CPM: variants seen among roughly 807,000 people sequenced by gnomAD.
The protein encoded by CPM is carboxypeptidase M, also known as renal carboxypeptidase.
CPM carries 35 observed loss-of-function variants against 46.4 expected under a neutral mutation model. That is an observed-to-expected ratio of 0.75 (90% CI 0.58 to 1.00). The LOEUF (loss-of-function observed/expected upper bound fraction) is 1.00. Among genes scored for constraint, CPM ranks in the 50% least tolerant of loss-of-function variants. The probability of loss-of-function intolerance (pLI) is 0.00; values close to 1 mark genes in which losing one functional copy is unlikely to be tolerated. For synonymous variants in CPM, 195 were observed against 195.3 expected (o/e 1.00, Z 0.01); for missense variants, 422 against 530.4 (o/e 0.80, Z 2.01).
At chr12:68,864,665 T>G (rs1460984374) in intron 7 of CPM, among the ~76,000 whole-genome samples, 1 of 152,192 alleles carries the variant, frequency 6.6e-6, no homozygotes, top group Non-Finnish European at 1.5e-5. Flanking sequence ...ATATTTGATG[T>G]TCACTTGCAC....
chr12:68,847,452 C>CTATTTTT (rs1884399137), downstream of CPM: 1 of 88,722 alleles, frequency 1.1e-5, no homozygotes, highest in Non-Finnish European at 2.0e-5. Flanking sequence ...TATCTCCTTT[C>CTATTTTT]TTTTTTTTTT....
intron 1 of CPM, among the ~76,000 whole-genome samples, chr12:68,961,194 G>A (rs922521658): frequency 1.3e-5 from 2 of 152,152 alleles, no homozygotes; most frequent in East Asian, 3.9e-4. Flanking sequence ...CTGTCACCCA[G>A]GCTGGAGTGC....
At chr12:68,958,952 G>A (rs935899771) in intron 1 of CPM, among the ~76,000 whole-genome samples, 2 of 152,148 alleles carry the variant, frequency 1.3e-5, no homozygotes, top group South Asian at 4.1e-4. Context: ...GTCGTCCCAT[G>A]TCTGGTTCCT....
chr12:68,880,853 C>A (rs1208696635), intron 3 of CPM, among the ~76,000 whole-genome samples: 2 of 152,174 alleles, frequency 1.3e-5, no homozygotes, highest in Non-Finnish European at 2.9e-5. Context: ...AGGCAACTTG[C>A]CAGCCTGATT....
intron 1 of CPM, among the ~76,000 whole-genome samples, chr12:68,954,936 A>T (rs921616399): frequency 6.6e-6 from 1 of 152,206 alleles, no homozygotes; most frequent in African/African-American, 2.4e-5. Context: ...TGGTCCAGCC[A>T]CAGCCTCACA....
downstream of CPM, chr12:68,846,286 C>T (rs1302668912): frequency 2.0e-5 from 3 of 152,144 alleles, no homozygotes; most frequent in African/African-American, 7.3e-5. Context: ...ACAGTTTCAC[C>T]ATGTTGCCCA....
At chr12:68,850,268 A>G (rs559961699), downstream of CPM, 1 of 150,040 alleles carries the variant, frequency 6.7e-6, no homozygotes, top group South Asian at 2.1e-4. Context: ...CCTGGGTGAC[A>G]GAGCGAGACT....
chr12:68,847,520 C>CT (rs1204486262), downstream of CPM: 1 of 125,766 alleles, frequency 8.0e-6, no homozygotes, highest in Non-Finnish European at 1.6e-5. Context: ...GTGGCGCAAT[C>CT]TCGGCTCACT....
chr12:68,865,640 T>TCA (rs1565769141), intron 7 of CPM, among the ~76,000 whole-genome samples: 1 of 96,284 alleles, frequency 1.0e-5, no homozygotes, highest in South Asian at 2.9e-4. Context: ...ACACTCACAC[T>TCA]CTCTCTCTCT....
intron 2 of CPM, among the ~76,000 whole-genome samples, chr12:68,930,244 T>C (rs1049596890): frequency 4.6e-5 from 7 of 152,096 alleles, no homozygotes; most frequent in African/African-American, 1.7e-4. Context: ...CCATGTCTGG[T>C]TAATTTTTTG....
chr12:68,914,062 T>C (rs1312313847), intron 2 of CPM: 2 of 651,832 alleles, frequency 3.1e-6, no homozygotes, highest in Admixed American at 2.0e-5. Flanking sequence ...ATAAATGCTA[T>C]AAACAGGCTT....
chr12:68,854,660 G>GAAC lies in CPM; in HGVS notation c.*1774_*1776dup, dbSNP rs1360419935. Reference sequence around the variant, plus strand: ...GGGACACAAACAGCTCTGTGTTTATGAACTACAACCAGTTGTTGACTTTTG... The same window carrying GAAC: ...GGGACACAAACAGCTCTGTGTTTATGAACAACTACAACCAGTTGTTGACTTTTG... On this transcript the variant is annotated 3_prime_UTR_variant, in exon 9 of 9. Transcript: ENST00000551568. 1 of 152,190 alleles carries GAAC rather than the reference G, an allele frequency of 6.6e-6. No homozygotes were observed. The highest frequency in any genetic ancestry group is 2.4e-5 in the African/African-American group (1 of 41,398). The allele number at this position is 152,190 out of a possible 1,614,324, so 9.4% of individuals were successfully genotyped here.
At chr12:68,927,467 C>T (rs1159856382) in intron 2 of CPM, among the ~76,000 whole-genome samples, 2 of 152,000 alleles carry the variant, frequency 1.3e-5, no homozygotes, top group Non-Finnish European at 2.9e-5. Context: ...GATATTAGCC[C>T]TTTGTCAGAT....
intron 3 of CPM, among the ~76,000 whole-genome samples, chr12:68,877,036 GGT>G (rs1384508875): frequency 6.6e-6 from 1 of 152,052 alleles, no homozygotes; most frequent in Non-Finnish European, 1.5e-5. Context: ...GCTCCACAGT[GGT>G]GTGTGTGTTA....
At chr12:68,881,168 G>A (rs568239807) in intron 3 of CPM, among the ~76,000 whole-genome samples, 4 of 152,252 alleles carry the variant, frequency 2.6e-5, no homozygotes, top group South Asian at 2.1e-4. Flanking sequence ...TGAACCTATC[G>A]TCACAACTCC....
At chr12:68,956,586 T>G (rs998382978) in intron 1 of CPM, among the ~76,000 whole-genome samples, 1 of 152,236 alleles carries the variant, frequency 6.6e-6, no homozygotes, top group African/African-American at 2.4e-5. Flanking sequence ...ATTACCTTGT[T>G]TAATCATCAC....
At position 68,854,879 on chromosome 12, in the gene CPM, CAG is replaced by C. The variant is rs762342901; in HGVS notation, c.*1556_*1557del. 3.9e-5 allele frequency: 6 copies of C among 152,034 alleles called. No homozygotes were observed. Among genetic ancestry groups the C allele is most frequent in the Admixed American group, 6.6e-5 (1 of 15,242 alleles). The allele number at this position is 152,034 out of a possible 1,614,324, so 9.4% of individuals were successfully genotyped here. ...TCAGCACCAATTTTTTTTTTTAAGACAGAGTCTCACTTCTTCACCCAGGCTGG... is the reference window on the plus strand; with the variant it reads ...TCAGCACCAATTTTTTTTTTTAAGACAGTCTCACTTCTTCACCCAGGCTGG... On this transcript the variant is annotated 3_prime_UTR_variant, in exon 9 of 9. Transcript: ENST00000551568.
intron 3 of CPM, among the ~76,000 whole-genome samples, chr12:68,880,796 T>C (rs976329653): frequency 6.6e-6 from 1 of 152,216 alleles, no homozygotes; most frequent in African/African-American, 2.4e-5. Flanking sequence ...CTGTGCTCCA[T>C]AAATGTTAGC....
intron 2 of CPM, among the ~76,000 whole-genome samples, chr12:68,896,126 T>A (rs888357694): frequency 6.6e-5 from 10 of 152,164 alleles, no homozygotes; most frequent in African/African-American, 2.4e-4. Context: ...AGGAGGTAAC[T>A]CCCTGCCTTG....
Sources: gnomAD v4.1 joint callset for allele counts (sites outside exome capture counted in the v4.1 genomes callset) on GRCh38, gnomAD v4.1.1 for gene constraint, MANE v1.5 for transcripts, NCBI Gene and HGNC (gene_info 2026-07-23, HGNC 2026-07-21) for gene names.